Variants in LRP2 observed in about 807,000 individuals in gnomAD.
LRP2 encodes LDL receptor related protein 2, also known as low-density lipoprotein receptor-related protein 2.
In LRP2, 172 loss-of-function variants were observed where a neutral mutation model predicts 531.0. The observed-to-expected ratio is 0.32, with a 90% CI of 0.29 to 0.37. The LOEUF is 0.37. Among genes scored for constraint, LRP2 ranks in the 10% least tolerant of loss-of-function variants. The pLI is 1.00. For synonymous variants in LRP2, 1,992 were observed against 2,027.6 expected, an observed-to-expected ratio of 0.98 and a Z score of 0.47; for missense variants, 5,167 against 5,868.3, an observed-to-expected ratio of 0.88 and a Z score of 3.90.
At chr2:169,292,811 T>A (rs1684031268) in intron 6 of LRP2, among the ~76,000 whole-genome samples, 1 of 129,092 alleles carries the variant, frequency 7.7e-6, no homozygotes, top group Non-Finnish European at 1.6e-5. Flanking sequence ...CCAGCCTGGG[T>A]GACAGAGTGA....
At chr2:169,313,184 G>C (rs146773496) in intron 3 of LRP2, among the ~76,000 whole-genome samples, 5 of 152,210 alleles carry the variant, frequency 3.3e-5, no homozygotes, top group South Asian at 4.1e-4. Context: ...TGTTATTACC[G>C]ATCGTCTGAA....
Position 169,135,924 on chromosome 2 carries a change from C to CA in LRP2, c.13620+1467_13620+1468insT, listed in dbSNP as rs565418908. ...ACCGGTTTACACTGTTTCTCCAAGC[C>CA]GTCACAGCTGATATCTCGTGGTGCT... On this transcript the variant is annotated intron_variant, in intron 76 of 78. Coordinates refer to ENST00000649046, the MANE Select transcript of LRP2 (RefSeq NM_004525.3). Among the ~76,000 whole-genome samples the CA allele has an allele frequency of 7.9e-5, 12 of 152,210 alleles. No homozygotes were observed. In the South Asian group the frequency reaches 2.1e-3, roughly 26 times the overall value.
intron 3 of LRP2, among the ~76,000 whole-genome samples, chr2:169,312,228 A>G (rs1275035789): frequency 1.3e-5 from 2 of 151,894 alleles, no homozygotes; most frequent in African/African-American, 4.8e-5. Context: ...GTTATGTGTG[A>G]ATTTGATCCT....
intron 29 of LRP2, among the ~76,000 whole-genome samples, chr2:169,235,159 A>G (rs1000002148): frequency 6.6e-6 from 1 of 151,842 alleles, no homozygotes; most frequent in Non-Finnish European, 1.5e-5. Flanking sequence ...CGATCCACCA[A>G]CCTCAGCCTC....
chr2:169,348,670 T>C (rs1685761130), intron 1 of LRP2, among the ~76,000 whole-genome samples: 1 of 152,204 alleles, frequency 6.6e-6, no homozygotes, highest in Non-Finnish European at 1.5e-5. Context: ...AAATCTGTCC[T>C]AAAAATAGCA....
intron 19 of LRP2, among the ~76,000 whole-genome samples, chr2:169,255,118 C>T (rs1479772416): frequency 6.6e-6 from 1 of 152,014 alleles, no homozygotes; most frequent in Non-Finnish European, 1.5e-5. Context: ...GTTAATTATT[C>T]AAAGTAGGAG....
At position 169,207,188 on chromosome 2, in the gene LRP2, T is replaced by C. The variant is rs1688425051; in HGVS notation, c.6532A>G (p.Thr2178Ala). 6.2e-7 allele frequency: 1 copy of C among 1,614,060 alleles called. No homozygotes were observed. The highest frequency in any genetic ancestry group is 8.5e-7 in the Non-Finnish European group (1 of 1,179,978). ...ETLIEVLRIN[T>A]TYRRVLLKVT... ...TTAAGAAGAACACGGCGGTAAGTAG[T>C]ATTGATCCGCAGAACTTCTATCAGT... is the stretch of plus-strand genomic sequence containing the variant. Residue 2178 changes from threonine (T) to alanine (A), a missense_variant, in exon 39 of 79, where the codon ACT becomes GCT. Thr to Ala is a moderately conservative substitution (Grantham distance 58). This residue lies in a region of LRP2 where 2,811 missense variants were observed against 3,058.0 expected (regional missense o/e 0.92). Transcript: ENST00000649046.
intron 9 of LRP2, among the ~76,000 whole-genome samples, chr2:169,286,123 TAC>T (rs1361764257): frequency 5.9e-5 from 9 of 152,158 alleles, no homozygotes; most frequent in Non-Finnish European, 1.0e-4. Context: ...GAGAGAAAAA[TAC>T]AGTCTTCTTT....
intron 76 of LRP2, among the ~76,000 whole-genome samples, chr2:169,134,571 G>A (rs1685422434): frequency 6.6e-6 from 1 of 152,098 alleles, no homozygotes; most frequent in Admixed American, 6.5e-5. Flanking sequence ...ACCAGCAAAG[G>A]CAGGCTATGC....
intron 8 of LRP2, among the ~76,000 whole-genome samples, chr2:169,289,654 T>C (rs1326475033): frequency 6.6e-6 from 1 of 151,938 alleles, no homozygotes; most frequent in South Asian, 2.1e-4. Flanking sequence ...AAAAATCAGG[T>C]CATGCATGGG....
At chr2:169,327,426 G>A (rs1331832275) in intron 1 of LRP2, among the ~76,000 whole-genome samples, 211 of 113,080 alleles carry the variant, frequency 1.9e-3, no homozygotes, top group Middle Eastern at 6.5e-3. Context: ...CACCCCGTCC[G>A]GGAGGGAGGT....
At chr2:169,172,950 G>T in intron 57 of LRP2, 146 bp downstream of exon 57, 2 of 1,049,826 alleles carry the variant, frequency 1.9e-6, no homozygotes, top group Non-Finnish European at 1.4e-6. Flanking sequence ...AATGTAACAT[G>T]TTATTAGAAG....
chr2:169,292,286 C>T lies in LRP2; in HGVS notation c.736G>A (p.Asp246Asn). The T allele has an allele frequency of 1.2e-6, 2 of 1,613,894 alleles. No individual in the cohort carries two copies. Among genetic ancestry groups the T allele is most frequent in the Non-Finnish European group, 1.7e-6 (2 of 1,179,768 alleles). The change falls in exon 7 of 79, where the codon GAC becomes AAC. Residue 246 changes from aspartate (D) to asparagine (N), a missense_variant. By Grantham distance (23) the Asp-to-Asn change is conservative. Transcript: ENST00000649046. ...TCTTCATCTCCATTATCTTTACAGTCATCTTCTCCATCACAAACCCAGTTT... is the reference window on the plus strand; with the variant it reads ...TCTTCATCTCCATTATCTTTACAGTTATCTTCTCCATCACAAACCCAGTTT... The part of the protein sequence containing the change: ...YQNWVCDGED[D>N]CKDNGDEDGC...
chr2:169,165,835 C>T, intron 62 of LRP2, 97 bp downstream of exon 62: 1 of 1,471,544 alleles, frequency 6.8e-7, no homozygotes, highest in Non-Finnish European at 9.5e-7. Flanking sequence ...ATGGGCACAA[C>T]TCTATAGAAC....
chr2:169,144,304 T>A (rs1685827624), intron 70 of LRP2, among the ~76,000 whole-genome samples: 3 of 152,222 alleles, frequency 2.0e-5, no homozygotes, highest in Admixed American at 6.5e-5. Context: ...GCTCTCCAGA[T>A]AATTCTGAGG....
rs1690291477 is a variant in LRP2, at chr2:169,256,025, A to G, written c.2770+81T>C. 5 of 1,469,162 alleles carry G rather than the reference A, an allele frequency of 3.4e-6. 1 individual carries two copies. In the Admixed American group the frequency reaches 8.8e-5, roughly 26 times the overall value. 91.0% of individuals were successfully genotyped at this position (1,469,162 alleles called of 1,614,324 possible). A position where few individuals can be genotyped will look rare whatever the true frequency, so the allele number is the denominator to read the frequency against. ...GTGGCCAGCTTTTCTGGGATTGTGAAAATGCCACATGAGGATGAGTTTACT... is the reference window on the plus strand; with the variant it reads ...GTGGCCAGCTTTTCTGGGATTGTGAGAATGCCACATGAGGATGAGTTTACT... On this transcript the variant is annotated intron_variant, in intron 19 of 78. Transcript: ENST00000649046.
At chr2:169,229,866 T>C (rs1689338854) in intron 31 of LRP2, among the ~76,000 whole-genome samples, 1 of 152,206 alleles carries the variant, frequency 6.6e-6, no homozygotes, top group Non-Finnish European at 1.5e-5. Flanking sequence ...TAAACACTAG[T>C]TGAAAAGCTA....
chr2:169,261,944 G>A (rs543469535), intron 16 of LRP2, among the ~76,000 whole-genome samples: 15 of 150,102 alleles, frequency 1.0e-4, no homozygotes, highest in South Asian at 4.2e-4. Context: ...TTCAATATAC[G>A]CAAATCAATA....
intron 68 of LRP2, among the ~76,000 whole-genome samples, chr2:169,148,016 G>A (rs941399014): frequency 2.0e-5 from 3 of 152,078 alleles, no homozygotes; most frequent in South Asian, 4.2e-4. Context: ...CCCACCAGCC[G>A]CTGCTTTGCA....
Sources: allele counts gnomAD v4.1 joint callset (sites outside exome capture counted in the v4.1 genomes callset), GRCh38; gene constraint gnomAD v4.1.1; regional missense constraint gnomAD v4.1.1; transcripts MANE v1.5; gene names NCBI Gene and HGNC (gene_info 2026-07-23, HGNC 2026-07-21).